Variants in GAB4 observed in about 807,000 individuals in gnomAD.
GAB4 encodes GRB2-associated-binding protein 4.
In GAB4, 26 loss-of-function variants were observed where a neutral mutation model predicts 51.3. That is an observed-to-expected ratio of 0.51 (90% CI 0.37 to 0.70). The LOEUF (loss-of-function observed/expected upper bound fraction) is 0.70. GAB4 is among the 30% of genes least tolerant of loss of function. GAB4 has a pLI of 0.00. For missense variants in GAB4, 759 were observed against 734.6 expected (o/e 1.03, Z -0.38); for synonymous variants, 329 against 291.2 (o/e 1.13, Z -1.32).
intron 3 of GAB4, among the ~76,000 whole-genome samples, chr22:16,985,614 C>T (rs2060860800): frequency 6.6e-6 from 1 of 152,244 alleles, no homozygotes; most frequent in Admixed American, 6.5e-5. Flanking sequence ...TCCATCTCCC[C>T]TTGGAATTTG....
chr22:16,988,605 C>A (rs1040709327), intron 2 of GAB4, among the ~76,000 whole-genome samples: 12 of 152,222 alleles, frequency 7.9e-5, no homozygotes, highest in Admixed American at 7.9e-4. Flanking sequence ...ACCCAGCTTT[C>A]CTGCCTGTCC....
intron 1 of GAB4, among the ~76,000 whole-genome samples, chr22:17,001,906 C>T (rs942387106): frequency 1.6e-4 from 25 of 152,208 alleles, no homozygotes; most frequent in African/African-American, 5.1e-4. Flanking sequence ...GCAGTTTGAT[C>T]TCAGACTGCT....
intron 1 of GAB4, 119 bp downstream of exon 1, chr22:17,007,821 TG>T: frequency 1.1e-6 from 1 of 899,684 alleles, no homozygotes; most frequent in Non-Finnish European, 1.7e-6. Context: ...CATGCAGACG[TG>T]GAGAAGTCGC....
At chr22:17,004,230 G>A (rs2061021034) in intron 1 of GAB4, among the ~76,000 whole-genome samples, 3 of 152,144 alleles carry the variant, frequency 2.0e-5, no homozygotes, top group Admixed American at 1.3e-4. Context: ...CCGATTCACA[G>A]CCGATTTCTA....
At chr22:16,995,236 G>A (rs1377137141) in intron 1 of GAB4, among the ~76,000 whole-genome samples, 1 of 152,176 alleles carries the variant, frequency 6.6e-6, no homozygotes, top group Non-Finnish European at 1.5e-5. Context: ...TGCAAAGATA[G>A]TTGGGCGGAT....
chr22:16,992,270 A>T, intron 1 of GAB4, 94 bp from the exon 2 acceptor site: 1 of 1,100,722 alleles, frequency 9.1e-7, no homozygotes, highest in Non-Finnish European at 1.3e-6. Context: ...TGGGACTCGG[A>T]CCTGCACTCA....
At chr22:17,006,178 A>C (rs540548389) in intron 1 of GAB4, among the ~76,000 whole-genome samples, 1 of 152,340 alleles carries the variant, frequency 6.6e-6, no homozygotes, top group South Asian at 2.1e-4. Context: ...TTTACAAGAA[A>C]AAAACAACAA....
rs2060883914 is a variant in GAB4 at position 16,988,102 on chromosome 22, A to G, written c.544T>C (p.Ser182Pro). 1 of 1,611,234 alleles carries G rather than the reference A, an allele frequency of 6.2e-7. No homozygotes were observed. Among genetic ancestry groups the G allele is most frequent in the Non-Finnish European group, 8.5e-7 (1 of 1,178,680 alleles). ...TGTTCTTGGGGGAGGTGCTGATGGGAGCAGCTGGGCTCAGCTGGAGAAGAG... is the reference window on the plus strand; with the variant it reads ...TGTTCTTGGGGGAGGTGCTGATGGGGGCAGCTGGGCTCAGCTGGAGAAGAG... ...LCSSPAEPSC[S>P]HQHLPQEQEP... The change falls in exon 3 of 10, where the codon TCC becomes CCC. Residue 182 changes from serine (S) to proline (P), a missense_variant. Ser to Pro is a moderately conservative substitution (Grantham distance 74). Transcript: ENST00000400588.
chr22:16,995,173 G>A (rs965404264), intron 1 of GAB4, among the ~76,000 whole-genome samples: 6 of 152,106 alleles, frequency 3.9e-5, no homozygotes, highest in Non-Finnish European at 7.4e-5. Context: ...ATTGCTTTAC[G>A]TGTAGAATTT....
At chr22:17,007,108 T>G (rs934725343) in intron 1 of GAB4, among the ~76,000 whole-genome samples, 6 of 152,170 alleles carry the variant, frequency 3.9e-5, no homozygotes, top group African/African-American at 1.4e-4. Context: ...AGGATCAGCT[T>G]ATTCTGGAAT....
Position 16,962,564 on chromosome 22 carries a change from C to A in GAB4, c.*169G>T, listed in dbSNP as rs2060637527. 4.0e-6 allele frequency: 2 copies of A among 505,252 alleles called. No homozygotes were observed. Among genetic ancestry groups the A allele is most frequent in the Non-Finnish European group, 6.6e-6 (2 of 305,258 alleles). The allele number at this position is 505,252 out of a possible 1,614,324, so 31.3% of individuals were successfully genotyped here. A position where few individuals can be genotyped will look rare whatever the true frequency, so the allele number is the denominator to read the frequency against. On this transcript the variant is annotated 3_prime_UTR_variant, in exon 10 of 10. Coordinates refer to ENST00000400588, the MANE Select transcript of GAB4 (RefSeq NM_001037814.1). ...CTAGCAAGGGGGTGAAGGTGGGGACCATGGCCAGCCAAAGGCACAGGTGGG... is the reference window on the plus strand; with the variant it reads ...CTAGCAAGGGGGTGAAGGTGGGGACAATGGCCAGCCAAAGGCACAGGTGGG...
rs544494155 is a variant in GAB4 at position 17,000,351 on chromosome 22, A to G, written c.174+7590T>C. ...TGTATTGGGTGCATGTATATTTAGG[A>G]TAGTTAGCTCTTCTTGTTGAATTGA... is the stretch of plus-strand genomic sequence containing the variant. On this transcript the variant is annotated intron_variant, in intron 1 of 9. Transcript: ENST00000400588. Among the ~76,000 whole-genome samples, 6 of 152,234 alleles carry G rather than the reference A, an allele frequency of 3.9e-5. No homozygotes were observed. The East Asian group carries it at 9.6e-4, about 24-fold the overall frequency.
At chr22:16,983,320 C>T (rs918997925) in intron 3 of GAB4, among the ~76,000 whole-genome samples, 3 of 152,174 alleles carry the variant, frequency 2.0e-5, no homozygotes, top group Non-Finnish European at 4.4e-5. Flanking sequence ...TCATTCCTTT[C>T]ACTCCACCAG....
chr22:16,969,395 G>A (rs2060710534), intron 4 of GAB4, among the ~76,000 whole-genome samples: 2 of 152,242 alleles, frequency 1.3e-5, no homozygotes, highest in Admixed American at 6.5e-5. Context: ...CCTTAGTGGA[G>A]GCCAAGTCTG....
chr22:16,974,182 T>A (rs747164102), intron 3 of GAB4, among the ~76,000 whole-genome samples: 2 of 152,210 alleles, frequency 1.3e-5, no homozygotes, highest in Non-Finnish European at 2.9e-5. Flanking sequence ...GAGGCCAATG[T>A]TACTATGATG....
intron 1 of GAB4, among the ~76,000 whole-genome samples, chr22:16,995,609 G>C (rs1325762992): frequency 6.6e-6 from 1 of 152,228 alleles, no homozygotes; most frequent in Non-Finnish European, 1.5e-5. Flanking sequence ...CGCTTCCAGA[G>C]GAAGGAGCAG....
In GAB4 at chr22:16,966,248, C is replaced by G. The variant is rs142214633; in HGVS notation, c.1140G>C (p.Gln380His). The change falls in exon 6 of 10, where the codon CAG (glutamine) becomes CAC (histidine). Residue 380 changes from glutamine (Q) to histidine (H), a missense_variant. Gln to His is a conservative substitution (Grantham distance 24). Transcript: ENST00000400588. ...PAVKQAGDDS[Q>H]GVCIPVGSCL... is the part of the protein sequence containing the mutation. ...ATGAGCCCACAGGGATGCAGACACC[C>G]TGGGAATCATCGCCTGCTTGCTTCA... 422 of 1,614,026 alleles carry G rather than the reference C, an allele frequency of 2.6e-4. 3 individuals carry two copies. The East Asian group carries it at 8.8e-3, about 34-fold the overall frequency.
chr22:16,962,984 T>C, intron 9 of GAB4, 108 bp from the exon 10 acceptor site: 1 of 1,042,402 alleles, frequency 9.6e-7, no homozygotes. Context: ...GGAAGGAACC[T>C]CTGCCTCCTG....
intron 3 of GAB4, among the ~76,000 whole-genome samples, chr22:16,986,670 C>T (rs1401633391): frequency 6.6e-6 from 1 of 152,226 alleles, no homozygotes; most frequent in Non-Finnish European, 1.5e-5. Flanking sequence ...TACTGCCTAT[C>T]CCTGGTCTGG....
Sources: allele counts gnomAD v4.1 joint callset (sites outside exome capture counted in the v4.1 genomes callset), GRCh38; gene constraint gnomAD v4.1.1; transcripts MANE v1.5; gene names NCBI Gene and HGNC (gene_info 2026-07-23, HGNC 2026-07-21).